The following SELENON variants were observed in gnomAD, a reference collection of about 807,000 sequenced individuals.
The protein encoded by SELENON is selenoprotein N, also known as selenoprotein N, 1.
SELENON carries 44 observed loss-of-function variants against 59.5 expected under a neutral mutation model. The observed-to-expected ratio is 0.74, with a 90% CI of 0.58 to 0.95. The LOEUF is 0.95. Ranked by LOEUF, SELENON falls within the 40% of genes least tolerant of loss-of-function variation. The pLI, the probability that SELENON is intolerant of heterozygous loss-of-function variation, is 0.00. For missense variants in SELENON, 674 were observed against 721.4 expected (o/e 0.93, Z 0.75); for synonymous variants, 320 against 305.6 (o/e 1.05, Z -0.49).
chr1:25,803,161 T>C (rs2047874417), intron 3 of SELENON, among the ~76,000 whole-genome samples: 1 of 152,256 alleles, frequency 6.6e-6, no homozygotes, highest in African/African-American at 2.4e-5. Flanking sequence ...TTGCCTGTAC[T>C]TCTTGTTTTG....
chr1:25,810,461 C>T (rs2047948451), intron 7 of SELENON, among the ~76,000 whole-genome samples: 1 of 152,250 alleles, frequency 6.6e-6, no homozygotes. Flanking sequence ...CAAGTGGCCA[C>T]CGAGTGGGCC....
rs6659086 is a variant in SELENON, at chr1:25,800,934, G to A, written c.184-109G>A. On this transcript the variant is annotated intron_variant, in intron 1 of 12. Transcript: ENST00000361547. ...AGATGGACCGGGAGGCACTGGGAGA[G>A]CTCAGGAAGATGGTGGGAGAAGGGG... The A allele has an allele frequency of 0.59, 524,655 of 888,082 alleles. 158,682 individuals carry two copies. The highest frequency in any genetic ancestry group is 0.78 in the African/African-American group (47,663 of 61,014). 55.0% of individuals were successfully genotyped at this position (888,082 alleles called of 1,614,324 possible).
At chr1:25,813,527 T>G (rs1389502169) in intron 10 of SELENON, 1 of 378,966 alleles carries the variant, frequency 2.6e-6, no homozygotes. Context: ...CGCTGAGACT[T>G]TGAAGGATGA....
chr1:25,802,840 G>A (rs1370853375), intron 3 of SELENON, among the ~76,000 whole-genome samples: 1 of 152,166 alleles, frequency 6.6e-6, no homozygotes, highest in Non-Finnish European at 1.5e-5. Context: ...CTTGAACTTA[G>A]GATCTTGGAC....
At position 25,800,238 on chromosome 1, in the gene SELENON, G is replaced by C. The variant is rs1234911798; in HGVS notation, c.8G>C (p.Arg3Pro). The C allele has an allele frequency of 2.4e-6, 2 of 825,914 alleles. No homozygotes were observed. Among genetic ancestry groups the C allele is most frequent in the South Asian group, 1.1e-4 (2 of 18,814 alleles). The allele number at this position is 825,914 out of a possible 1,614,324, so 51.2% of individuals were successfully genotyped here. A position where few individuals can be genotyped will look rare whatever the true frequency, so the allele number is the denominator to read the frequency against. Residue 3 changes from arginine (R) to proline (P), a missense_variant, in exon 1 of 13, where the codon CGG becomes CCG. Coordinates refer to ENST00000361547, the MANE Select transcript of SELENON (RefSeq NM_020451.3). The stretch of plus-strand genomic sequence containing the variant: ...CCGCCGCCAGCCGCAGCCATGGGCC[G>C]GGCCCGGCCGGGCCAACGCGGGCCG...
In SELENON at chr1:25,811,386, A is replaced by T. The variant is rs571847467; in HGVS notation, c.1011-68A>T. ...GAAAGTGGAGACAGTTGCAGGTATT[A>T]TGTGAGATAAAGTGTGACACAGATA... On this transcript the variant is annotated intron_variant, in intron 7 of 12. Coordinates refer to ENST00000361547, the MANE Select transcript of SELENON (RefSeq NM_020451.3). The T allele has an allele frequency of 2.6e-4, 345 of 1,317,656 alleles. 2 individuals carry two copies. The African/African-American group carries it at 4.5e-3, about 17-fold the overall frequency. 81.6% of individuals were successfully genotyped at this position (1,317,656 alleles called of 1,614,324 possible). A position where few individuals can be genotyped will look rare whatever the true frequency, so the allele number is the denominator to read the frequency against.
rs1209522007 is a variant in SELENON at position 25,814,165 on chromosome 1, C to T, written c.1589C>T (p.Pro530Leu). ...CCCGTGGAGATGATGATCTGCCTGC[C>T]CAATGGCACCGTGGTAGGCACCCCC... Residue 530 changes from proline to leucine, a missense_variant, in exon 12 of 13, where the codon CCC becomes CTC. Coordinates refer to ENST00000361547, the MANE Select transcript of SELENON (RefSeq NM_020451.3). 1 of 1,613,862 alleles carries T rather than the reference C, an allele frequency of 6.2e-7. No individual in the cohort carries two copies. The highest frequency in any genetic ancestry group is 8.5e-7 in the Non-Finnish European group (1 of 1,179,862).
At position 25,809,051 on chromosome 1, in the gene SELENON, T is replaced by G. The variant is rs1268625755; in HGVS notation, c.773T>G (p.Met258Arg). ...GTCATCATCCACCGGCTCCTGAGCA[T>G]GTTCCACCCTCGGCCCTTTGTGAAG... The change falls in exon 6 of 13, where the codon ATG becomes AGG. Residue 258 changes from methionine to arginine, a missense_variant. Transcript: ENST00000361547. The G allele has an allele frequency of 6.2e-7, 1 of 1,613,802 alleles. No homozygotes were observed. The highest frequency in any genetic ancestry group is 1.3e-5 in the African/African-American group (1 of 75,070).
In SELENON at chr1:25,815,886, G is replaced by A. The variant is rs895152304; in HGVS notation, c.*168G>A. 12 of 647,078 alleles carry A rather than the reference G, an allele frequency of 1.9e-5. No homozygotes were observed. The highest frequency in any genetic ancestry group is 7.5e-5 in the South Asian group (4 of 53,500). 40.1% of individuals were successfully genotyped at this position (647,078 alleles called of 1,614,324 possible). A position where few individuals can be genotyped will look rare whatever the true frequency, so the allele number is the denominator to read the frequency against. ...ACCACAGCCTTGGCTCCATGGTGGC[G>A]GGTAGACAAGGGATGCCTGGGCTGA... is the stretch of plus-strand genomic sequence containing the variant. On this transcript the variant is annotated 3_prime_UTR_variant, in exon 13 of 13. Transcript: ENST00000361547.
intron 7 of SELENON, among the ~76,000 whole-genome samples, chr1:25,810,622 T>G (rs1029511496): frequency 6.6e-6 from 1 of 152,154 alleles, no homozygotes; most frequent in Admixed American, 6.5e-5. Context: ...GGAGACTGAC[T>G]CCTGGCCTAC....
At chr1:25,811,334 C>T in intron 7 of SELENON, 120 bp from the exon 7 acceptor site, 1 of 930,840 alleles carries the variant, frequency 1.1e-6, no homozygotes, top group Non-Finnish European at 1.8e-6. Context: ...AGGTGTTCAC[C>T]TTGAGAAACC....
Position 25,815,312 on chromosome 1 carries a change from G to T in SELENON, c.1603-236G>T, listed in dbSNP as rs12121793. Among the ~76,000 whole-genome samples, 100,734 of 151,856 alleles carry T rather than the reference G, an allele frequency of 0.66. 36,613 individuals are homozygous for T. The highest frequency in any genetic ancestry group is 0.97 in the East Asian group (4,926 of 5,098). On this transcript the variant is annotated intron_variant, in intron 12 of 12. Transcript: ENST00000361547. ...CTAGTAGAAGAGGTGATGTTGGAAGGTGTTGGGTTTTCACTTGGTAGGCAA... is the reference window on the plus strand; with the variant it reads ...CTAGTAGAAGAGGTGATGTTGGAAGTTGTTGGGTTTTCACTTGGTAGGCAA...
rs1273301192 is a variant in SELENON, at chr1:25,801,043, G to A, written c.184G>A (p.Glu62Lys). ...CAGCCCAGTCTCTCCTCCCAAGCAGGAACTGGCGCTGAAGACCCTGGGGAC... is the reference window on the plus strand; with the variant it reads ...CAGCCCAGTCTCTCCTCCCAAGCAGAAACTGGCGCTGAAGACCCTGGGGAC... Residue 62 changes from glutamate (E) to lysine (K), a missense_variant and splice_region_variant, in exon 2 of 13, where the codon GAA (glutamate) becomes AAA (lysine). Coordinates refer to ENST00000361547, the MANE Select transcript of SELENON (RefSeq NM_020451.3). 4 of 1,613,734 alleles carry A rather than the reference G, an allele frequency of 2.5e-6. No individual in the cohort carries two copies. Among genetic ancestry groups the A allele is most frequent in the South Asian group, 1.1e-5 (1 of 91,076 alleles).
At chr1:25,803,686 A>G in intron 3 of SELENON, among the ~76,000 whole-genome samples, 1 of 146,716 alleles carries the variant, frequency 6.8e-6, no homozygotes, top group East Asian at 2.0e-4. Context: ...CATCATCATT[A>G]TTATTGGTTT....
chr1:25,809,551 G>A (rs1557430792), intron 6 of SELENON, 132 bp from the exon 6 acceptor site: 7 of 1,298,578 alleles, frequency 5.4e-6, no homozygotes, highest in South Asian at 1.2e-5. Flanking sequence ...GGAGAGCCTC[G>A]CTGCTGCCCA....
rs199937216 is a variant in SELENON at position 25,811,551 on chromosome 1, G to C, written c.1092+16G>C. 2.5e-4 allele frequency: 407 copies of C among 1,613,428 alleles called. 3 individuals are homozygous for C. In the East Asian group the frequency reaches 6.3e-3, roughly 25 times the overall value. On this transcript the variant is annotated intron_variant, in intron 8 of 12. Transcript: ENST00000361547. ...CATACCCCAGGTGAGCGCACAGGAG[G>C]CTCCCATCCAGGTGGGCTCGGCTGC... is the stretch of plus-strand genomic sequence containing the variant.
rs1384941983 is a variant in SELENON, at chr1:25,806,814, CCTTT to C, written c.537+1544_537+1547del. ...CCCAGGGAAGCAGTGCTGGGGAGCC[CCTTT>C]CTTTTTTTTTTTTTTTTTTTTGGGA... On this transcript the variant is annotated intron_variant, in intron 4 of 12. Transcript: ENST00000361547. Among the ~76,000 whole-genome samples, 64 of 151,508 alleles carry C rather than the reference CCTTT, an allele frequency of 4.2e-4. 1 individual carries two copies. Among genetic ancestry groups the C allele is most frequent in the Admixed American group, 3.2e-3 (49 of 15,248 alleles).
rs2047977957 is a variant in SELENON at position 25,812,793 on chromosome 1, G to A, written c.1387+1G>A. On this transcript the variant is annotated splice_donor_variant, in intron 10 of 12. Coordinates refer to ENST00000361547, the MANE Select transcript of SELENON (RefSeq NM_020451.3). LOFTEE classifies it high-confidence loss of function. ...GCCCTGGATGACCAGTCCTGCTGAG[G>A]TGAGGGGCCCGGCTGGATCTAAGGG... 1.2e-6 allele frequency: 2 copies of A among 1,609,968 alleles called. No individual in the cohort carries two copies. Among genetic ancestry groups the A allele is most frequent in the African/African-American group, 1.3e-5 (1 of 74,954 alleles).
Position 25,809,823 on chromosome 1 carries a change from GGGA to G in SELENON, c.1010+5_1010+7del. 1 of 1,613,118 alleles carries G rather than the reference GGGA, an allele frequency of 6.2e-7. No individual in the cohort carries two copies. Among genetic ancestry groups the G allele is most frequent in the Non-Finnish European group, 8.5e-7 (1 of 1,180,018 alleles). On this transcript the variant is annotated splice_donor_5th_base_variant and intron_variant, in intron 7 of 12. Coordinates refer to ENST00000361547, the MANE Select transcript of SELENON (RefSeq NM_020451.3). Reference sequence around the variant, plus strand: ...CGGCTCTTCGTGCCCAACCACAGGTGGGAGCTTGACCCTGGCCCAGCCTTGGCT... The same window carrying G: ...CGGCTCTTCGTGCCCAACCACAGGTGGCTTGACCCTGGCCCAGCCTTGGCT...
Sources: allele counts gnomAD v4.1 joint callset (sites outside exome capture counted in the v4.1 genomes callset), GRCh38; gene constraint gnomAD v4.1.1; transcripts MANE v1.5; gene names NCBI Gene and HGNC (gene_info 2026-07-23, HGNC 2026-07-21).